TCF4: variants seen among roughly 807,000 people sequenced by gnomAD.
TCF4 encodes the protein SL3-3 enhancer factor 2.
A neutral mutation model predicts 82.1 loss-of-function variants in TCF4; 3 were observed. The observed-to-expected ratio is 0.04, with a 90% CI of 0.02 to 0.09. The LOEUF (loss-of-function observed/expected upper bound fraction) is 0.09, where lower values mean the gene tolerates loss of function less well. Among genes scored for constraint, TCF4 ranks in the 10% least tolerant of loss-of-function variants. The pLI is 1.00. For missense variants in TCF4, 518 were observed against 852.7 expected (o/e 0.61, Z 4.89); for synonymous variants, 276 against 309.6 (o/e 0.89, Z 1.14).
At chr18:55,432,703 A>G (rs1246313822) in intron 5 of TCF4, among the ~76,000 whole-genome samples, 3 of 152,224 alleles carry the variant, frequency 2.0e-5, no homozygotes, top group Non-Finnish European at 4.4e-5. Flanking sequence ...CTGATTCTCT[A>G]AATTGCTTCT....
At chr18:55,588,380 C>G (rs991506597), upstream of TCF4, 2 of 1,529,466 alleles carry the variant, frequency 1.3e-6, no homozygotes, top group Non-Finnish European at 1.7e-6. Context: ...TAGGATGCAT[C>G]CCCCTCGCAC....
chr18:55,288,449 A>G (rs2064214355), intron 8 of TCF4, among the ~76,000 whole-genome samples: 1 of 152,204 alleles, frequency 6.6e-6, no homozygotes, highest in South Asian at 2.1e-4. Flanking sequence ...TCACACAGCT[A>G]ATAAACTGGC....
chr18:55,415,155 T>G (rs546495034), intron 5 of TCF4, among the ~76,000 whole-genome samples: 1 of 152,230 alleles, frequency 6.6e-6, no homozygotes, highest in South Asian at 2.1e-4. Context: ...GAAAATATGG[T>G]TAATCGTGAT....
At chr18:55,549,130 G>A (rs186075383) in intron 3 of TCF4, among the ~76,000 whole-genome samples, 148 of 151,976 alleles carry the variant, frequency 9.7e-4, no homozygotes, top group African/African-American at 3.4e-3. Context: ...GCAAAACCCC[G>A]TCACCACAAA....
intron 8 of TCF4, among the ~76,000 whole-genome samples, chr18:55,330,972 AC>A (rs1350210068): frequency 2.6e-5 from 4 of 152,108 alleles, no homozygotes; most frequent in African/African-American, 9.7e-5. Context: ...TGACCATATA[AC>A]CTTTGTTCCA....
intron 5 of TCF4, among the ~76,000 whole-genome samples, chr18:55,431,427 C>G (rs1048787084): frequency 6.6e-6 from 1 of 152,140 alleles, no homozygotes; most frequent in Admixed American, 6.5e-5. Context: ...TTACAGGCAC[C>G]TGCCACCAAG....
intron 8 of TCF4, among the ~76,000 whole-genome samples, chr18:55,324,001 T>A (rs973565587): frequency 7.2e-5 from 11 of 152,376 alleles, no homozygotes; most frequent in African/African-American, 2.6e-4. Flanking sequence ...TTGTCATGGC[T>A]TAATGAGCTA....
intron 8 of TCF4, chr18:55,302,745 C>G (rs1156967684): frequency 8.6e-6 from 7 of 814,944 alleles, no homozygotes; most frequent in Non-Finnish European, 1.1e-5. Context: ...ACCCAAATGA[C>G]CAGGCATGAG....
At chr18:55,290,827 G>A (rs1172978205) in intron 8 of TCF4, among the ~76,000 whole-genome samples, 2 of 151,728 alleles carry the variant, frequency 1.3e-5, no homozygotes, top group African/African-American at 4.9e-5. Flanking sequence ...AAGACAGTGA[G>A]GCCAAGATTC....
intron 5 of TCF4, among the ~76,000 whole-genome samples, chr18:55,432,718 G>A (rs2095239420): frequency 6.6e-6 from 1 of 152,210 alleles, no homozygotes; most frequent in Non-Finnish European, 1.5e-5. Context: ...GCTTCTAAGT[G>A]CTTTCCTAAT....
At position 55,255,182 on chromosome 18, in the gene TCF4, C is replaced by T. The variant is rs114273415; in HGVS notation, c.1147-482G>A. On this transcript the variant is annotated intron_variant, in intron 14 of 19. Coordinates refer to ENST00000354452, the MANE Select transcript of TCF4 (RefSeq NM_001083962.2). ...TATGACCCAGTGCTAAGTACCAAAT[C>T]AGAGACAGGGAAAAGCAAATGGATG... 1.5e-3 allele frequency among the ~76,000 whole-genome samples: 235 copies of T among 152,258 alleles called. 3 individuals carry two copies. Among genetic ancestry groups the T allele is most frequent in the African/African-American group, 5.3e-3 (220 of 41,562 alleles).
intron 3 of TCF4, among the ~76,000 whole-genome samples, chr18:55,512,004 C>T (rs535898344): frequency 4.6e-5 from 7 of 152,122 alleles, no homozygotes; most frequent in African/African-American, 7.2e-5. Flanking sequence ...TAATAAGAAT[C>T]ATGAACATGA....
chr18:55,521,329 A>C (rs1039534197), intron 3 of TCF4, among the ~76,000 whole-genome samples: 1 of 152,204 alleles, frequency 6.6e-6, no homozygotes, highest in African/African-American at 2.4e-5. Flanking sequence ...ATGTTATGTA[A>C]ATGTTATCTT....
At chr18:55,462,051 G>C (rs1033539367) in intron 4 of TCF4, among the ~76,000 whole-genome samples, 6 of 152,130 alleles carry the variant, frequency 3.9e-5, no homozygotes, top group African/African-American at 1.2e-4. Flanking sequence ...CAGAGGTATC[G>C]GTTGCATGTG....
intron 8 of TCF4, among the ~76,000 whole-genome samples, chr18:55,349,010 A>G (rs918683630): frequency 4.6e-5 from 7 of 152,176 alleles, no homozygotes; most frequent in African/African-American, 1.4e-4. Flanking sequence ...CCCTAACTTC[A>G]AGCTTAAAAT....
At chr18:55,393,741 C>T (rs2093322567) in intron 6 of TCF4, among the ~76,000 whole-genome samples, 1 of 152,106 alleles carries the variant, frequency 6.6e-6, no homozygotes, top group Non-Finnish European at 1.5e-5. Context: ...ATGAAAGTAA[C>T]TTACCATCAA....
chr18:55,539,567 A>AT (rs2097147047), intron 3 of TCF4, among the ~76,000 whole-genome samples: 2 of 152,164 alleles, frequency 1.3e-5, no homozygotes, highest in African/African-American at 4.8e-5. Context: ...GGAGACAAAC[A>AT]TCCCAGATGA....
chr18:55,466,498 A>G (rs891144134), intron 3 of TCF4, among the ~76,000 whole-genome samples: 1 of 152,120 alleles, frequency 6.6e-6, no homozygotes, highest in Non-Finnish European at 1.5e-5. Flanking sequence ...CCCTGTCCCT[A>G]AAAATATATA....
rs549914339 is a variant in TCF4 at position 55,363,025 on chromosome 18, A to T, written c.370-12022T>A. On this transcript the variant is annotated intron_variant, in intron 6 of 19. Coordinates refer to ENST00000354452, the MANE Select transcript of TCF4 (RefSeq NM_001083962.2). Reference sequence around the variant, plus strand: ...AAATGTGATTGGATGACTCAAAATTAAAGGAGACTTTAATGCAAATTCAAA... The same window carrying T: ...AAATGTGATTGGATGACTCAAAATTTAAGGAGACTTTAATGCAAATTCAAA... Among the ~76,000 whole-genome samples the T allele has an allele frequency of 1.3e-3, 196 of 152,348 alleles. 1 individual carries two copies. The highest frequency in any genetic ancestry group is 4.3e-3 in the African/African-American group (178 of 41,576).
Sources: gnomAD v4.1 joint callset for allele counts (sites outside exome capture counted in the v4.1 genomes callset) on GRCh38, gnomAD v4.1.1 for gene constraint, MANE v1.5 for transcripts, NCBI Gene and HGNC (gene_info 2026-07-23, HGNC 2026-07-21) for gene names.